GABRG3: variants seen among roughly 807,000 people sequenced by gnomAD.
GABRG3 encodes gamma-aminobutyric acid receptor subunit gamma-3.
GABRG3 carries 25 observed loss-of-function variants against 48.8 expected under a neutral mutation model. The observed-to-expected ratio is 0.51, with a 90% CI of 0.37 to 0.72. The LOEUF is 0.72. GABRG3 is among the 30% of genes least tolerant of loss of function. GABRG3 has a pLI of 0.00. For synonymous variants in GABRG3, 227 were observed against 217.6 expected, an observed-to-expected ratio of 1.04 and a Z score of -0.38; for missense variants, 394 against 577.9, an observed-to-expected ratio of 0.68 and a Z score of 3.26.
chr15:27,313,194 G>A (rs550562249), intron 3 of GABRG3, among the ~76,000 whole-genome samples: 9 of 131,818 alleles, frequency 6.8e-5, no homozygotes, highest in Admixed American at 2.4e-4. Flanking sequence ...ATATATATAT[G>A]TGTATATATA....
At chr15:27,504,235 T>A (rs566259026) in intron 6 of GABRG3, among the ~76,000 whole-genome samples, 1 of 152,258 alleles carries the variant, frequency 6.6e-6, no homozygotes, top group African/African-American at 2.4e-5. Context: ...CCTCTTTTTC[T>A]CATCTTTTGT....
intron 3 of GABRG3, among the ~76,000 whole-genome samples, chr15:27,110,677 C>G (rs149826408): frequency 6.7e-6 from 1 of 150,272 alleles, no homozygotes. Flanking sequence ...GTTTTTTTTT[C>G]TTTGAACAAT....
chr15:27,131,403 T>C (rs1031858608), intron 3 of GABRG3, among the ~76,000 whole-genome samples: 3 of 152,090 alleles, frequency 2.0e-5, no homozygotes, highest in African/African-American at 7.2e-5. Context: ...TCATGCTCTA[T>C]GGTCCTTTTA....
chr15:27,359,064 T>C (rs923652761), intron 5 of GABRG3, among the ~76,000 whole-genome samples: 1 of 152,216 alleles, frequency 6.6e-6, no homozygotes, highest in Non-Finnish European at 1.5e-5. Flanking sequence ...TGGACAAGTT[T>C]TGGGGGTGAA....
rs373684035 is a variant in GABRG3, at chr15:27,258,895, G to A, written c.271-67914G>A. Among the ~76,000 whole-genome samples, 15 of 151,868 alleles carry A rather than the reference G, an allele frequency of 9.9e-5. 1 individual carries two copies. The highest frequency in any genetic ancestry group is 6.2e-4 in the South Asian group (3 of 4,808). On this transcript the variant is annotated intron_variant, in intron 3 of 9. Coordinates refer to ENST00000615808, the MANE Select transcript of GABRG3 (RefSeq NM_033223.5). The stretch of plus-strand genomic sequence containing the variant: ...ATCCAATAGCCAACCTCTTCTCTCC[G>A]CAGCCTCCTCCAACACGCCTTCCCA...
At chr15:27,309,114 A>G (rs1566775690) in intron 3 of GABRG3, among the ~76,000 whole-genome samples, 1 of 150,320 alleles carries the variant, frequency 6.7e-6, no homozygotes, top group Non-Finnish European at 1.5e-5. Context: ...ATGTTTATAT[A>G]GAAACATATA....
Position 27,148,261 on chromosome 15 carries a change from A to G in GABRG3, c.270+121440A>G, listed in dbSNP as rs188205036. Among the ~76,000 whole-genome samples, 3 of 152,100 alleles carry G rather than the reference A, an allele frequency of 2.0e-5. No homozygotes were observed. In the East Asian group the frequency reaches 5.8e-4, roughly 29 times the overall value. On this transcript the variant is annotated intron_variant, in intron 3 of 9. Transcript: ENST00000615808. ...TATTAAACTTAATTAGATGCAATAAATTCCTAGAAAGACACAAACTACCAA... is the reference window on the plus strand; with the variant it reads ...TATTAAACTTAATTAGATGCAATAAGTTCCTAGAAAGACACAAACTACCAA...
At chr15:27,260,058 C>T (rs1301566587) in intron 3 of GABRG3, among the ~76,000 whole-genome samples, 1 of 152,182 alleles carries the variant, frequency 6.6e-6, no homozygotes, top group Non-Finnish European at 1.5e-5. Context: ...TAATTTCCAT[C>T]CTCGGGACTC....
intron 6 of GABRG3, among the ~76,000 whole-genome samples, chr15:27,497,517 T>G (rs1486071424): frequency 2.6e-5 from 4 of 152,218 alleles, no homozygotes; most frequent in Admixed American, 6.5e-5. Context: ...GCTTTCGCCT[T>G]GGAAAAAATT....
chr15:27,298,087 A>C (rs1485295122), intron 3 of GABRG3, among the ~76,000 whole-genome samples: 1 of 152,150 alleles, frequency 6.6e-6, no homozygotes, highest in South Asian at 2.1e-4. Flanking sequence ...CGAATGATGT[A>C]AAAAGCAAAT....
At chr15:26,981,507 A>C (rs918895220) in intron 2 of GABRG3, among the ~76,000 whole-genome samples, 1 of 152,164 alleles carries the variant, frequency 6.6e-6, no homozygotes, top group Non-Finnish European at 1.5e-5. Context: ...CTGTTGTCTG[A>C]TAGTGTTGTC....
At chr15:27,132,819 A>T (rs1265675879) in intron 3 of GABRG3, among the ~76,000 whole-genome samples, 1 of 149,062 alleles carries the variant, frequency 6.7e-6, no homozygotes, top group Non-Finnish European at 1.5e-5. Flanking sequence ...TCTAATCTTT[A>T]TTATTTTCTT....
At chr15:27,391,206 T>C (rs570290930) in intron 5 of GABRG3, among the ~76,000 whole-genome samples, 8 of 152,196 alleles carry the variant, frequency 5.3e-5, no homozygotes, top group Non-Finnish European at 1.2e-4. Flanking sequence ...TCTCTTTTAA[T>C]ATTTTATAGG....
chr15:27,438,773 A>G lies in GABRG3; in HGVS notation c.575-41877A>G, dbSNP rs1888694630. Among the ~76,000 whole-genome samples, 5 of 152,190 alleles carry G rather than the reference A, an allele frequency of 3.3e-5. 1 individual carries two copies. The highest frequency in any genetic ancestry group is 3.3e-4 in the Admixed American group (5 of 15,284). ...AAACAGCCACTGTTGAATCTCAAAA[A>G]TCATCATGAGTACATTATGATTTTC... On this transcript the variant is annotated intron_variant, in intron 5 of 9. Coordinates refer to ENST00000615808, the MANE Select transcript of GABRG3 (RefSeq NM_033223.5).
chr15:27,119,709 A>T (rs145465827), intron 3 of GABRG3, among the ~76,000 whole-genome samples: 33 of 152,322 alleles, frequency 2.2e-4, no homozygotes, highest in African/African-American at 7.9e-4. Flanking sequence ...TTGTGATTTC[A>T]GGACTGAGGT....
At position 27,347,209 on chromosome 15, in the gene GABRG3, G is replaced by C. The variant is rs139937070; in HGVS notation, c.574+18321G>C. Among the ~76,000 whole-genome samples the C allele has an allele frequency of 9.1e-4, 139 of 152,268 alleles. 1 individual carries two copies. The highest frequency in any genetic ancestry group is 3.0e-3 in the African/African-American group (123 of 41,558). ...TTCCCTAGGTACTTCTCCTCACATA[G>C]AGTCTGCATCTTGCAGTGCTTCCAG... On this transcript the variant is annotated intron_variant, in intron 5 of 9. Transcript: ENST00000615808.
chr15:27,023,737 C>T (rs1895938073), intron 2 of GABRG3, among the ~76,000 whole-genome samples: 1 of 152,126 alleles, frequency 6.6e-6, no homozygotes, highest in South Asian at 2.1e-4. Context: ...CTGTTTCTAC[C>T]TTTTGGCTAC....
At chr15:27,367,923 G>A (rs1895265247) in intron 5 of GABRG3, among the ~76,000 whole-genome samples, 1 of 152,092 alleles carries the variant, frequency 6.6e-6, no homozygotes, top group African/African-American at 2.4e-5. Context: ...AAGGGCCCAG[G>A]GGAGTTGTAG....
intron 3 of GABRG3, among the ~76,000 whole-genome samples, chr15:27,299,102 G>A (rs990486988): frequency 6.6e-6 from 1 of 152,126 alleles, no homozygotes; most frequent in African/African-American, 2.4e-5. Flanking sequence ...TGTTCAACAT[G>A]GTGAAACCCC....
Sources: gnomAD v4.1 joint callset for allele counts (sites outside exome capture counted in the v4.1 genomes callset) on GRCh38, gnomAD v4.1.1 for gene constraint, MANE v1.5 for transcripts, NCBI Gene and HGNC (gene_info 2026-07-23, HGNC 2026-07-21) for gene names.